Variants in GRIK1 observed in about 807,000 individuals in gnomAD.
The protein encoded by GRIK1 is glutamate ionotropic receptor kainate type subunit 1.
A neutral mutation model predicts 105.7 loss-of-function variants in GRIK1; 69 were observed. The ratio of observed to expected loss-of-function variants is 0.65; its 90% CI spans 0.54 to 0.80. The LOEUF (loss-of-function observed/expected upper bound fraction) is 0.80. Ranked by LOEUF, GRIK1 falls within the 30% of genes least tolerant of loss-of-function variation. GRIK1 has a pLI of 0.00. For missense variants in GRIK1, 1,109 were observed against 1,167.3 expected, an observed-to-expected ratio of 0.95 and a Z score of 0.73; for synonymous variants, 438 against 431.3, an observed-to-expected ratio of 1.02 and a Z score of -0.19.
intron 1 of GRIK1, among the ~76,000 whole-genome samples, chr21:29,770,571 A>C (rs1310426827): frequency 6.6e-6 from 1 of 152,216 alleles, no homozygotes; most frequent in Non-Finnish European, 1.5e-5. Context: ...CATTTTTTGA[A>C]TACCCAAACC....
At chr21:29,762,658 G>C (rs573976435) in intron 1 of GRIK1, among the ~76,000 whole-genome samples, 2 of 150,358 alleles carry the variant, frequency 1.3e-5, no homozygotes, top group African/African-American at 5.0e-5. Context: ...GGCAACTTCT[G>C]TCTGTGCATT....
At chr21:29,620,415 G>T (rs192972090) in intron 7 of GRIK1, among the ~76,000 whole-genome samples, 1 of 152,172 alleles carries the variant, frequency 6.6e-6, no homozygotes, top group East Asian at 1.9e-4. Context: ...AATCAGAATT[G>T]GCAGCCAATC....
At chr21:29,854,171 G>T (rs1371799848) in intron 1 of GRIK1, among the ~76,000 whole-genome samples, 1 of 152,174 alleles carries the variant, frequency 6.6e-6, no homozygotes, top group African/African-American at 2.4e-5. Context: ...AGGGGAAGGG[G>T]AGCTGCATCA....
intron 1 of GRIK1, among the ~76,000 whole-genome samples, chr21:29,732,778 A>G (rs2064670522): frequency 6.6e-6 from 1 of 152,132 alleles, no homozygotes; most frequent in South Asian, 2.1e-4. Context: ...TTGGATGAAA[A>G]CAAATGGGAT....
At chr21:29,893,481 C>A (rs888227327) in intron 1 of GRIK1, among the ~76,000 whole-genome samples, 1 of 152,172 alleles carries the variant, frequency 6.6e-6, no homozygotes, top group Non-Finnish European at 1.5e-5. Context: ...GCTGCCTAAT[C>A]CCTCTGTGCC....
intron 1 of GRIK1, among the ~76,000 whole-genome samples, chr21:29,933,779 T>C (rs2071653419): frequency 6.6e-6 from 1 of 152,186 alleles, no homozygotes; most frequent in Admixed American, 6.5e-5. Context: ...AATAATCTTC[T>C]CAGTTTCAGT....
chr21:29,603,192 G>A (rs1195259976), intron 7 of GRIK1, among the ~76,000 whole-genome samples: 1 of 151,950 alleles, frequency 6.6e-6, no homozygotes, highest in African/African-American at 2.4e-5. Context: ...CAGATAGAGT[G>A]GATATTATGA....
At position 29,807,695 on chromosome 21, in the gene GRIK1, C is replaced by A. The variant is rs987222217; in HGVS notation, c.119-113632G>T. Among the ~76,000 whole-genome samples the A allele has an allele frequency of 1.5e-4, 23 of 152,230 alleles. No homozygotes were observed. In the East Asian group the frequency reaches 1.7e-3, roughly 12 times the overall value. On this transcript the variant is annotated intron_variant, in intron 1 of 17. Coordinates refer to ENST00000327783, the MANE Select transcript of GRIK1 (RefSeq NM_001330994.2). ...AAATTTGTTGATACATATTTATATA[C>A]AACAAAGCAATTAGTTGTTTATTAC...
intron 1 of GRIK1, among the ~76,000 whole-genome samples, chr21:29,879,651 T>G (rs2069324085): frequency 6.6e-6 from 1 of 152,180 alleles, no homozygotes; most frequent in African/African-American, 2.4e-5. Context: ...TGCTGTTTTT[T>G]TCCCCTATAG....
chr21:29,676,040 TAA>T (rs1219080464), intron 3 of GRIK1, among the ~76,000 whole-genome samples: 2 of 152,220 alleles, frequency 1.3e-5, no homozygotes, highest in African/African-American at 4.8e-5. Context: ...ACTAGGCCGT[TAA>T]TAAACACACA....
intron 1 of GRIK1, among the ~76,000 whole-genome samples, chr21:29,740,084 C>T (rs1292605279): frequency 6.6e-6 from 1 of 152,170 alleles, no homozygotes; most frequent in Non-Finnish European, 1.5e-5. Flanking sequence ...GATTAAGTGA[C>T]TATTACATTG....
intron 1 of GRIK1, among the ~76,000 whole-genome samples, chr21:29,883,891 G>C (rs1363645324): frequency 1.3e-5 from 2 of 151,906 alleles, no homozygotes; most frequent in African/African-American, 4.8e-5. Flanking sequence ...AAATACCTAA[G>C]AGAAAACCAA....
Position 29,738,924 on chromosome 21 carries a change from C to A in GRIK1, c.119-44861G>T, listed in dbSNP as rs144065615. Among the ~76,000 whole-genome samples the A allele has an allele frequency of 5.3e-4, 80 of 152,226 alleles. 1 individual carries two copies. The highest frequency in any genetic ancestry group is 1.8e-3 in the African/African-American group (73 of 41,514). On this transcript the variant is annotated intron_variant, in intron 1 of 17. Transcript: ENST00000327783. ...TCTTCAAGTCAGTACACATTTATTG[C>A]GAAATTAAACTGTGCTGGGGACACA...
intron 1 of GRIK1, among the ~76,000 whole-genome samples, chr21:29,859,286 C>T (rs1309358349): frequency 1.3e-5 from 2 of 151,666 alleles, no homozygotes; most frequent in Non-Finnish European, 2.9e-5. Context: ...GGATGCAGCA[C>T]ACCAACATGG....
intron 1 of GRIK1, among the ~76,000 whole-genome samples, chr21:29,803,580 T>C (rs1350645723): frequency 1.3e-5 from 2 of 152,070 alleles, no homozygotes; most frequent in African/African-American, 2.4e-5. Context: ...GTGGCTCTTC[T>C]TTATAGCAGG....
At chr21:29,656,354 CAAAAAAAAAAAA>C (rs3054331) in intron 4 of GRIK1, among the ~76,000 whole-genome samples, 59 of 51,160 alleles carry the variant, frequency 1.2e-3, no homozygotes, top group Middle Eastern at 0.02. Context: ...GAGCGAGACT[CAAAAAAAAAAAA>C]AAAAAAAAAA....
intron 1 of GRIK1, among the ~76,000 whole-genome samples, chr21:29,802,960 A>G (rs146174790): frequency 1.3e-3 from 199 of 152,304 alleles, no homozygotes; most frequent in African/African-American, 4.3e-3. Flanking sequence ...AGTGTCCAGC[A>G]CAGTCCTATA....
intron 1 of GRIK1, among the ~76,000 whole-genome samples, chr21:29,849,490 T>C (rs1347487780): frequency 6.6e-6 from 1 of 152,206 alleles, no homozygotes; most frequent in East Asian, 1.9e-4. Flanking sequence ...TTTGTTATAC[T>C]TTGTTTCCTG....
chr21:29,630,973 TG>T (rs1307730393), intron 7 of GRIK1, among the ~76,000 whole-genome samples: 1 of 151,958 alleles, frequency 6.6e-6, no homozygotes, highest in Non-Finnish European at 1.5e-5. Context: ...TTTTTTTGTT[TG>T]TTTTTTTATT....
Sources: allele counts gnomAD v4.1 joint callset (sites outside exome capture counted in the v4.1 genomes callset), GRCh38; gene constraint gnomAD v4.1.1; transcripts MANE v1.5; gene names NCBI Gene and HGNC (gene_info 2026-07-23, HGNC 2026-07-21).